The following PABIR3 variants were observed in gnomAD, a reference collection of about 807,000 sequenced individuals.
PABIR3 encodes PABIR family member 1.
In PABIR3, 20 loss-of-function variants were observed where a neutral mutation model predicts 23.1. That is an observed-to-expected ratio of 0.86 (90% CI 0.61 to 1.26). The LOEUF is 1.26. PABIR3 is among the 50% of genes most tolerant of loss of function. The pLI is 0.00. For synonymous variants in PABIR3, 69 were observed against 68.5 expected, an observed-to-expected ratio of 1.01 and a Z score of -0.04; for missense variants, 189 against 195.4, an observed-to-expected ratio of 0.97 and a Z score of 0.20.
intron 3 of PABIR3, among the ~76,000 whole-genome samples, chrX:134,828,337 T>C (rs2148249211): frequency 9.0e-6 from 1 of 110,884 alleles, no homozygotes; most frequent in South Asian, 3.8e-4. Flanking sequence ...GTGATCTGCC[T>C]GCCTTGGCCT....
chrX:134,820,445 A>T (rs1378389825), intron 3 of PABIR3, among the ~76,000 whole-genome samples: 2 of 111,741 alleles, frequency 1.8e-5, no homozygotes, highest in African/African-American at 3.3e-5. Context: ...CATCTAAAGT[A>T]GCCAAATTCA....
At chrX:134,845,052 G>A (rs1452401579) in intron 4 of PABIR3, among the ~76,000 whole-genome samples, 153 bp from the exon 5 acceptor site, 1 of 112,032 alleles carries the variant, frequency 8.9e-6, no homozygotes, top group Non-Finnish European at 1.9e-5. Context: ...GCAATAAAGG[G>A]CAGAGAACCA....
At chrX:134,830,571 G>A (rs2081737758) in intron 4 of PABIR3, among the ~76,000 whole-genome samples, 2 of 109,689 alleles carry the variant, frequency 1.8e-5, no homozygotes, top group African/African-American at 6.6e-5. Context: ...GACCTCAGGT[G>A]ATCTGCCTAC....
At chrX:134,829,420 T>A (rs1216441663) in intron 4 of PABIR3, 138 bp downstream of exon 4, 4 of 473,674 alleles carry the variant, frequency 8.4e-6, no homozygotes, top group Non-Finnish European at 9.9e-6. Flanking sequence ...AATGATTTCT[T>A]CAAAAAAAAA....
upstream of PABIR3, among the ~76,000 whole-genome samples, chrX:134,805,072 G>T (rs5978045): frequency 8.9e-6 from 1 of 112,583 alleles, no homozygotes; most frequent in Non-Finnish European, 1.9e-5. Flanking sequence ...AATAATTTCA[G>T]AAGTATTTAT....
chrX:134,849,060 A>G (rs1217032242), intron 8 of PABIR3, 107 bp from the exon 9 acceptor site: 10 of 287,141 alleles, frequency 3.5e-5, no homozygotes, highest in Admixed American at 6.7e-5. Flanking sequence ...AATATCCTAC[A>G]CAGAGTCCCG....
chrX:134,800,300 C>CA (rs776778230), intron 1 of PABIR3, among the ~76,000 whole-genome samples: 7,599 of 75,004 alleles, frequency 0.1, 846 homozygotes, highest in African/African-American at 0.32. Context: ...GACTCCATCT[C>CA]AAAAAAAAAA....
chrX:134,809,615 A>T, intron 2 of PABIR3: 10 of 749,875 alleles, frequency 1.3e-5, no homozygotes, highest in Non-Finnish European at 1.6e-5. Flanking sequence ...GTTGCATCAT[A>T]CTAATTGATA....
chrX:134,808,380 T>TA (rs2148095474), intron 2 of PABIR3, among the ~76,000 whole-genome samples: 1 of 108,931 alleles, frequency 9.2e-6, no homozygotes, highest in East Asian at 2.9e-4. Flanking sequence ...ATTTTTTATT[T>TA]ATTTGTTTAT....
chrX:134,850,795 G>A (rs191626440), intron 9 of PABIR3, among the ~76,000 whole-genome samples: 93 of 111,749 alleles, frequency 8.3e-4, no homozygotes, highest in Non-Finnish European at 8.6e-4. Flanking sequence ...CTCACACTTG[G>A]TTTTCAGCTG....
intron 3 of PABIR3, among the ~76,000 whole-genome samples, chrX:134,817,869 G>A (rs993916978): frequency 1.8e-5 from 2 of 111,490 alleles, no homozygotes; most frequent in Middle Eastern, 4.6e-3. Context: ...CCTGGCTGCA[G>A]AGTGGAAAGT....
At chrX:134,825,078 C>T (rs915586260) in intron 3 of PABIR3, among the ~76,000 whole-genome samples, 1 of 110,894 alleles carries the variant, frequency 9.0e-6, no homozygotes, top group Non-Finnish European at 1.9e-5. Flanking sequence ...GTGTGAGAGC[C>T]GGAGGGGGGT....
chrX:134,814,868 T>C lies in PABIR3; in HGVS notation c.189+19T>C. ...CTCTCTGGTAAGGAAATGCTTATAG[T>C]GGCCTCCCTGTCTAAGACTTGTGCT... On this transcript the variant is annotated intron_variant, in intron 3 of 10. Coordinates refer to ENST00000645433, the MANE Select transcript of PABIR3 (RefSeq NM_001388447.1). 1 of 1,114,680 alleles carries C rather than the reference T, an allele frequency of 9.0e-7. No individual in the cohort carries two copies. Among genetic ancestry groups the C allele is most frequent in the East Asian group, 3.0e-5 (1 of 33,120 alleles). 91.9% of individuals were successfully genotyped at this position (1,114,680 alleles called of 1,213,427 possible). A position where few individuals can be genotyped will look rare whatever the true frequency, so the allele number is the denominator to read the frequency against.
At chrX:134,851,515 A>G (rs1300236125) in intron 9 of PABIR3, among the ~76,000 whole-genome samples, 1 of 108,049 alleles carries the variant, frequency 9.3e-6, no homozygotes, top group African/African-American at 3.4e-5. Flanking sequence ...CAGCCTGGAC[A>G]ACAGAGTAAG....
rs374919785 is a variant in PABIR3 at position 134,849,869 on chromosome X, C to CTTTT, written c.589+656_589+659dup. On this transcript the variant is annotated intron_variant, in intron 9 of 10. Coordinates refer to ENST00000645433, the MANE Select transcript of PABIR3 (RefSeq NM_001388447.1). ...ACCTCACTAAATTATGCTCTTCTTC[C>CTTTT]TTTTTTTTTTTTTTTTTTCTTGAGA... 4.6e-4 allele frequency among the ~76,000 whole-genome samples: 27 copies of CTTTT among 58,852 alleles called. 1 individual carries two copies. The highest frequency in any genetic ancestry group is 6.5e-4 in the Non-Finnish European group (24 of 37,032). 51.1% of individuals were successfully genotyped at this position (58,852 alleles called of 115,157 possible).
the PABIR3 span, among the ~76,000 whole-genome samples, chrX:134,861,418 T>C: frequency 9.0e-6 from 1 of 110,992 alleles, no homozygotes; most frequent in African/African-American, 3.3e-5. Flanking sequence ...CTAAGATCAG[T>C]TAAATTCGCA....
At chrX:134,804,187 G>A (rs989363836), upstream of PABIR3, 7 of 1,145,490 alleles carry the variant, frequency 6.1e-6, no homozygotes, top group African/African-American at 1.3e-4. Context: ...CAAAAGCAGT[G>A]TCCCAAGATC....
At chrX:134,801,985 G>A (rs926986006) in intron 1 of PABIR3, among the ~76,000 whole-genome samples, 1 of 109,533 alleles carries the variant, frequency 9.1e-6, no homozygotes, top group Non-Finnish European at 1.9e-5. Context: ...GGGGACTAAC[G>A]TCTGCTGCAG....
intron 9 of PABIR3, among the ~76,000 whole-genome samples, chrX:134,852,426 G>C (rs1161637768): frequency 9.0e-6 from 1 of 111,043 alleles, no homozygotes; most frequent in Non-Finnish European, 1.9e-5. Context: ...AGTGAGCCCA[G>C]ATCATGCCAC....
Sources: gnomAD v4.1 joint callset for allele counts (sites outside exome capture counted in the v4.1 genomes callset) on GRCh38, gnomAD v4.1.1 for gene constraint, MANE v1.5 for transcripts, NCBI Gene and HGNC (gene_info 2026-07-23, HGNC 2026-07-21) for gene names.